FAM227B: variants seen among roughly 807,000 people sequenced by gnomAD.
FAM227B encodes the protein protein FAM227B.
In FAM227B, 88 loss-of-function variants were observed where a neutral mutation model predicts 73.8. That is an observed-to-expected ratio of 1.19 (90% CI 1.00 to 1.42). The LOEUF is 1.42. Ranked by LOEUF, FAM227B falls within the 40% of genes most tolerant of loss-of-function variation. The pLI, the probability that FAM227B is intolerant of heterozygous loss-of-function variation, is 0.00. For synonymous variants in FAM227B, 210 were observed against 190.5 expected (o/e 1.10, Z -0.84); for missense variants, 632 against 590.9 (o/e 1.07, Z -0.72).
At chr15:49,533,912 C>T (rs1039234677) in intron 10 of FAM227B, among the ~76,000 whole-genome samples, 1 of 151,638 alleles carries the variant, frequency 6.6e-6, no homozygotes, top group Non-Finnish European at 1.5e-5. Flanking sequence ...TTTTGTTTTT[C>T]GTTTTCTGGT....
At chr15:49,377,371 G>A (rs983643870) in intron 11 of FAM227B, among the ~76,000 whole-genome samples, 3 of 151,840 alleles carry the variant, frequency 2.0e-5, no homozygotes, top group Non-Finnish European at 2.9e-5. Flanking sequence ...TTCTTTTGGG[G>A]GTACATATCC....
chr15:49,500,602 C>T (rs946317331), intron 11 of FAM227B, among the ~76,000 whole-genome samples: 2 of 152,174 alleles, frequency 1.3e-5, no homozygotes, highest in Admixed American at 1.3e-4. Flanking sequence ...AAGACCATAA[C>T]AAGTGTTAGT....
intron 13 of FAM227B, chr15:49,365,673 G>GA: frequency 2.0e-6 from 2 of 993,532 alleles, no homozygotes; most frequent in Non-Finnish European, 3.2e-6. Context: ...CACATGACTT[G>GA]AAGCTGGCCA....
intron 3 of FAM227B, among the ~76,000 whole-genome samples, 176 bp from the exon 4 acceptor site, chr15:49,590,183 A>C (rs949468247): frequency 6.6e-6 from 1 of 152,194 alleles, no homozygotes; most frequent in Non-Finnish European, 1.5e-5. Context: ...CCTTTACTAA[A>C]ACTATTTTCC....
At chr15:49,547,407 A>G (rs2072086810) in intron 9 of FAM227B, among the ~76,000 whole-genome samples, 1 of 151,720 alleles carries the variant, frequency 6.6e-6, no homozygotes, top group Non-Finnish European at 1.5e-5. Flanking sequence ...TCAAAATGAC[A>G]GGATCAAATT....
intron 9 of FAM227B, among the ~76,000 whole-genome samples, chr15:49,556,472 G>A (rs546544812): frequency 6.6e-6 from 1 of 152,326 alleles, no homozygotes; most frequent in East Asian, 1.9e-4. Flanking sequence ...TTGGGCCACA[G>A]GCCACAACAT....
chr15:49,612,710 T>C (rs974319627), intron 2 of FAM227B, among the ~76,000 whole-genome samples: 1 of 152,166 alleles, frequency 6.6e-6, no homozygotes, highest in Non-Finnish European at 1.5e-5. Context: ...TTGTACTACA[T>C]TTTTATTTAT....
chr15:49,471,495 A>C (rs1391409456), intron 11 of FAM227B, among the ~76,000 whole-genome samples: 1 of 107,602 alleles, frequency 9.3e-6, no homozygotes, highest in Non-Finnish European at 2.3e-5. Context: ...AATAATAATA[A>C]TAATAATAAT....
chr15:49,496,786 T>C (rs1010161344), intron 11 of FAM227B, among the ~76,000 whole-genome samples: 5 of 152,218 alleles, frequency 3.3e-5, no homozygotes, highest in Admixed American at 6.5e-5. Context: ...GACAGCAGTA[T>C]ATATGGAATA....
At chr15:49,460,455 G>C (rs578010311) in intron 11 of FAM227B, among the ~76,000 whole-genome samples, 1 of 152,264 alleles carries the variant, frequency 6.6e-6, no homozygotes, top group South Asian at 2.1e-4. Flanking sequence ...GAATGCATGT[G>C]CTCAAATTAG....
At chr15:49,450,720 G>A (rs763407305) in intron 11 of FAM227B, among the ~76,000 whole-genome samples, 1 of 151,956 alleles carries the variant, frequency 6.6e-6, no homozygotes, top group Admixed American at 6.6e-5. Flanking sequence ...TTACATTCTT[G>A]ATCTTTAAAT....
chr15:49,563,514 A>C (rs1345554494), intron 9 of FAM227B, among the ~76,000 whole-genome samples: 3 of 152,166 alleles, frequency 2.0e-5, no homozygotes, highest in African/African-American at 7.2e-5. Context: ...ACAGAAACAC[A>C]AAAGAGCCCA....
At chr15:49,571,630 G>A (rs1439173463) in intron 8 of FAM227B, among the ~76,000 whole-genome samples, 5 of 151,774 alleles carry the variant, frequency 3.3e-5, no homozygotes, top group African/African-American at 9.7e-5. Flanking sequence ...TGTTCTTGGC[G>A]CCTTTGTTGA....
At chr15:49,600,855 A>G (rs975102212) in intron 3 of FAM227B, among the ~76,000 whole-genome samples, 13 of 151,568 alleles carry the variant, frequency 8.6e-5, no homozygotes, top group Admixed American at 7.2e-4. Flanking sequence ...AGCCTGGCCA[A>G]CATGGTGAAA....
At chr15:49,551,155 G>C (rs562982391) in intron 9 of FAM227B, among the ~76,000 whole-genome samples, 4 of 152,312 alleles carry the variant, frequency 2.6e-5, no homozygotes, top group African/African-American at 7.2e-5. Flanking sequence ...GGCGTCACGC[G>C]CCTGCAATTG....
intron 10 of FAM227B, among the ~76,000 whole-genome samples, chr15:49,523,122 G>A (rs1409670311): frequency 6.6e-6 from 1 of 152,152 alleles, no homozygotes; most frequent in African/African-American, 2.4e-5. Flanking sequence ...CAGACTAACA[G>A]CAGACTTCTA....
intron 11 of FAM227B, among the ~76,000 whole-genome samples, chr15:49,460,512 G>A (rs2053693787): frequency 6.6e-6 from 1 of 152,142 alleles, no homozygotes; most frequent in Non-Finnish European, 1.5e-5. Flanking sequence ...GAAGGACTAT[G>A]TTTTTACTAC....
At chr15:49,368,019 C>T (rs2045485043) in intron 12 of FAM227B, 1 of 153,030 alleles carries the variant, frequency 6.5e-6, no homozygotes, top group Admixed American at 6.5e-5. Flanking sequence ...ACACCTAGCA[C>T]ATCCCAGACA....
At chr15:49,580,808 C>G (rs758946730) in intron 5 of FAM227B, among the ~76,000 whole-genome samples, 3 of 152,092 alleles carry the variant, frequency 2.0e-5, no homozygotes, top group Non-Finnish European at 2.9e-5. Context: ...ACTGACAGAG[C>G]TGAAAAACAC....
Sources: gnomAD v4.1 joint callset for allele counts (sites outside exome capture counted in the v4.1 genomes callset) on GRCh38, gnomAD v4.1.1 for gene constraint, MANE v1.5 for transcripts, NCBI Gene and HGNC (gene_info 2026-07-23, HGNC 2026-07-21) for gene names.